Variants in MIR2052HG observed in about 807,000 individuals in gnomAD.
MIR2052HG encodes MIR2052 host gene.
At position 74,673,943 on chromosome 8, in the gene MIR2052HG, T is replaced by G. The variant is rs1046872634; in HGVS notation, n.217-28436T>G. Among the ~76,000 whole-genome samples, 19 of 140,254 alleles carry G rather than the reference T, an allele frequency of 1.4e-4. No individual in the cohort carries two copies. The East Asian group carries it at 3.4e-3, about 25-fold the overall frequency. The allele number at this position is 140,254 out of a possible 152,430, so 92.0% of individuals were successfully genotyped here. On this transcript the variant is annotated intron_variant and non_coding_transcript_variant, in intron 2 of 6. Coordinates refer to ENST00000523442, the Ensembl canonical transcript of MIR2052HG. Reference sequence around the variant, plus strand: ...CAAAATATCTATCTATATATATTACTGCTCCTTGCAGAGCAGGGCTATCCT... The same window carrying G: ...CAAAATATCTATCTATATATATTACGGCTCCTTGCAGAGCAGGGCTATCCT...
chr8:74,755,567 T>C (rs1327707631), intron 5 of MIR2052HG, among the ~76,000 whole-genome samples: 1 of 152,220 alleles, frequency 6.6e-6, no homozygotes, highest in East Asian at 1.9e-4. Context: ...TTAATGAAGT[T>C]ACAAAATGTT....
chr8:74,666,702 G>T (rs534627893), intron 2 of MIR2052HG, among the ~76,000 whole-genome samples: 7 of 152,266 alleles, frequency 4.6e-5, no homozygotes, highest in African/African-American at 1.7e-4. Flanking sequence ...AAAAGATGGT[G>T]TCGAATTACC....
intron 1 of MIR2052HG, among the ~76,000 whole-genome samples, chr8:74,605,443 G>C (rs1008146527): frequency 1.3e-5 from 2 of 152,186 alleles, no homozygotes; most frequent in African/African-American, 4.8e-5. Flanking sequence ...CATTTAGAAG[G>C]GAAATGGAAA....
intron 4 of MIR2052HG, among the ~76,000 whole-genome samples, chr8:74,733,146 A>G (rs1378751248): frequency 6.6e-6 from 1 of 152,002 alleles, no homozygotes; most frequent in Non-Finnish European, 1.5e-5. Flanking sequence ...TTAGTTACAT[A>G]TGTATACATG....
intron 2 of MIR2052HG, among the ~76,000 whole-genome samples, chr8:74,649,700 A>G (rs143890709): frequency 1.4e-4 from 22 of 152,238 alleles, no homozygotes; most frequent in African/African-American, 5.1e-4. Flanking sequence ...TTACCTATTT[A>G]GTGTCACTGT....
chr8:74,733,840 G>A (rs1467435788), intron 4 of MIR2052HG, among the ~76,000 whole-genome samples: 1 of 150,996 alleles, frequency 6.6e-6, no homozygotes, highest in Non-Finnish European at 1.5e-5. Context: ...CAGTGATGGT[G>A]AGCATTTTTT....
chr8:74,736,307 TC>T (rs1809744152), intron 4 of MIR2052HG, among the ~76,000 whole-genome samples: 1 of 152,180 alleles, frequency 6.6e-6, no homozygotes, highest in African/African-American at 2.4e-5. Context: ...TATCTATGAA[TC>T]TTTATGTGGT....
intron 2 of MIR2052HG, among the ~76,000 whole-genome samples, chr8:74,626,129 C>T (rs1180150384): frequency 6.6e-6 from 1 of 152,158 alleles, no homozygotes; most frequent in Non-Finnish European, 1.5e-5. Context: ...AAGTGGGTGC[C>T]CCGGGAGAAC....
chr8:74,721,597 A>C (rs2128754119), intron 4 of MIR2052HG, among the ~76,000 whole-genome samples: 1 of 152,280 alleles, frequency 6.6e-6, no homozygotes, highest in African/African-American at 2.4e-5. Flanking sequence ...GGGACTCTCT[A>C]TGAGGCCTCT....
chr8:74,696,714 C>T (rs1167311849), intron 2 of MIR2052HG, among the ~76,000 whole-genome samples: 1 of 151,704 alleles, frequency 6.6e-6, no homozygotes, highest in African/African-American at 2.4e-5. Context: ...AACTAGGAAA[C>T]CTAGGGGAGA....
intron 4 of MIR2052HG, among the ~76,000 whole-genome samples, chr8:74,748,632 T>TTC (rs1809911733): frequency 6.6e-6 from 1 of 152,216 alleles, no homozygotes. Flanking sequence ...TCATGGAGCT[T>TTC]ATGAACAAGT....
At chr8:74,639,506 C>T (rs917227082) in intron 2 of MIR2052HG, among the ~76,000 whole-genome samples, 1 of 152,110 alleles carries the variant, frequency 6.6e-6, no homozygotes, top group African/African-American at 2.4e-5. Flanking sequence ...CACAACTGGT[C>T]ACATAGAGTT....
rs1248524000 is a variant in MIR2052HG at position 74,604,123 on chromosome 8, T to TCGCG, written n.128+4217_128+4220dup. ...GATGTTGATAGGTGCACCACTCTCCTCGCGCATCTTCTTAACTGATTCTCC... is the reference window on the plus strand; with the variant it reads ...GATGTTGATAGGTGCACCACTCTCCTCGCGCGCGCATCTTCTTAACTGATTCTCC... On this transcript the variant is annotated intron_variant and non_coding_transcript_variant, in intron 1 of 6. Coordinates refer to ENST00000523442, the Ensembl canonical transcript of MIR2052HG. 1.9e-5 allele frequency: 17 copies of TCGCG among 895,628 alleles called. No homozygotes were observed. In the Admixed American group the frequency reaches 2.4e-4, roughly 13 times the overall value. 55.5% of individuals were successfully genotyped at this position (895,628 alleles called of 1,614,324 possible).
chr8:74,676,776 A>G (rs1262556536), intron 2 of MIR2052HG, among the ~76,000 whole-genome samples: 5 of 152,006 alleles, frequency 3.3e-5, no homozygotes, highest in African/African-American at 9.7e-5. Context: ...AAATTTGCTA[A>G]AAGAGTAGAT....
rs139602935 is a variant in MIR2052HG, at chr8:74,702,200, G to GA, written n.217-175dup. 1.1e-3 allele frequency: 186 copies of GA among 167,726 alleles called. 4 individuals are homozygous for GA. The East Asian group carries it at 0.025, about 23-fold the overall frequency. The allele number at this position is 167,726 out of a possible 1,614,324, so 10.4% of individuals were successfully genotyped here. A position where few individuals can be genotyped will look rare whatever the true frequency, so the allele number is the denominator to read the frequency against. On this transcript the variant is annotated intron_variant and non_coding_transcript_variant, in intron 2 of 6. Coordinates refer to ENST00000523442, the Ensembl canonical transcript of MIR2052HG. ...TGTTGAAAATCAAATGCAAAAGATT[G>GA]AAAATGCAGATTGTCAAATGCCTTT... is the stretch of plus-strand genomic sequence containing the variant.
intron 2 of MIR2052HG, among the ~76,000 whole-genome samples, chr8:74,690,718 T>G (rs545738010): frequency 5.5e-4 from 83 of 152,208 alleles, no homozygotes; most frequent in Middle Eastern, 3.4e-3. Flanking sequence ...AAAAGCATTT[T>G]CTAAGGCTTT....
At chr8:74,638,602 C>G (rs1001599803) in intron 2 of MIR2052HG, among the ~76,000 whole-genome samples, 39 of 152,004 alleles carry the variant, frequency 2.6e-4, no homozygotes, top group African/African-American at 9.2e-4. Context: ...AGTGTGGATA[C>G]AGGAGACAAA....
intron 2 of MIR2052HG, among the ~76,000 whole-genome samples, chr8:74,626,437 C>T (rs1217247632): frequency 6.6e-6 from 1 of 152,070 alleles, no homozygotes. Flanking sequence ...ACTAGTAGTA[C>T]CTTCTCTGTG....
At chr8:74,657,048 A>G (rs1808814482) in intron 2 of MIR2052HG, among the ~76,000 whole-genome samples, 1 of 152,208 alleles carries the variant, frequency 6.6e-6, no homozygotes, top group South Asian at 2.1e-4. Flanking sequence ...AGGGTACTGC[A>G]AAGATGCAAG....
Sources: gnomAD v4.1 joint callset for allele counts (sites outside exome capture counted in the v4.1 genomes callset) on GRCh38, gnomAD v4.1.1 for gene constraint, MANE v1.5 for transcripts, NCBI Gene and HGNC (gene_info 2026-07-23, HGNC 2026-07-21) for gene names.